The following RBFOX1 variants were observed in gnomAD, a reference collection of about 807,000 sequenced individuals.
RBFOX1 encodes RNA binding fox-1 homolog 1.
Under a neutral mutation model 57.7 loss-of-function variants are expected in RBFOX1, and 8 were observed. That is an observed-to-expected ratio of 0.14 (90% confidence interval 0.08 to 0.25). RBFOX1 has a LOEUF of 0.25. Among genes scored for constraint, RBFOX1 ranks in the 10% least tolerant of loss-of-function variants. The probability of loss-of-function intolerance (pLI) is 1.00; values close to 1 mark genes in which losing one functional copy is unlikely to be tolerated. For synonymous variants in RBFOX1, 326 were observed against 222.4 expected (o/e 1.47, Z -4.15); for missense variants, 611 against 548.5 (o/e 1.11, Z -1.14).
chr16:6,576,478 G>C (rs1049920726), intron 2 of RBFOX1, among the ~76,000 whole-genome samples: 1 of 152,132 alleles, frequency 6.6e-6, no homozygotes, highest in Non-Finnish European at 1.5e-5. Context: ...AAGACCTGCT[G>C]TACTCTGAAC....
chr16:6,060,263 A>G (rs1195834542), intron 1 of RBFOX1, among the ~76,000 whole-genome samples: 1 of 151,296 alleles, frequency 6.6e-6, no homozygotes, highest in South Asian at 2.1e-4. Flanking sequence ...CTTCTTAGCC[A>G]CAATTTGGCT....
chr16:5,727,862 G>T (rs901009489), intron 3 of RBFOX1, among the ~76,000 whole-genome samples: 2 of 151,844 alleles, frequency 1.3e-5, no homozygotes, highest in African/African-American at 2.4e-5. Flanking sequence ...AATATTTCAG[G>T]TTTTTTTTGT....
intron 4 of RBFOX1, among the ~76,000 whole-genome samples, chr16:7,233,111 T>G (rs2093594334): frequency 6.6e-6 from 1 of 152,040 alleles, no homozygotes; most frequent in Non-Finnish European, 1.5e-5. Flanking sequence ...CATAGGATGC[T>G]TTCCCTTCCC....
intron 4 of RBFOX1, among the ~76,000 whole-genome samples, chr16:5,878,351 A>G (rs907871297): frequency 2.0e-5 from 3 of 152,184 alleles, no homozygotes; most frequent in African/African-American, 4.8e-5. Flanking sequence ...ATTCCTTCCA[A>G]TGAACTTAGG....
At chr16:7,417,376 G>GAA (rs59413133) in intron 4 of RBFOX1, among the ~76,000 whole-genome samples, 2 of 134,678 alleles carry the variant, frequency 1.5e-5, no homozygotes, top group Non-Finnish European at 1.6e-5. Flanking sequence ...CTGTGTCAAA[G>GAA]AAAAAAAAAA....
intron 2 of RBFOX1, among the ~76,000 whole-genome samples, chr16:6,524,638 A>C (rs966152299): frequency 2.6e-5 from 4 of 152,174 alleles, no homozygotes; most frequent in Admixed American, 2.6e-4. Flanking sequence ...ACAAAGTAGC[A>C]CAGACTTCTC....
At chr16:7,456,854 G>A (rs1252673170) in intron 4 of RBFOX1, among the ~76,000 whole-genome samples, 1 of 152,062 alleles carries the variant, frequency 6.6e-6, no homozygotes. Context: ...GGAGGAAAGG[G>A]CATATTTTGG....
chr16:5,726,527 C>T (rs1432219402), intron 3 of RBFOX1, among the ~76,000 whole-genome samples: 3 of 152,270 alleles, frequency 2.0e-5, no homozygotes, highest in African/African-American at 4.8e-5. Context: ...AGCCCCATGC[C>T]GTGAGGTCAG....
At chr16:7,709,205 G>T in intron 15 of RBFOX1, 74 bp downstream of exon 15, 1 of 1,356,510 alleles carries the variant, frequency 7.4e-7, no homozygotes, top group African/African-American at 1.5e-5. Context: ...CCTCAGTACG[G>T]GTTGACGTCC....
rs1375557854 is a variant in RBFOX1 at position 6,603,134 on chromosome 16, C to G, written c.-63-51469C>G. 2.0e-5 allele frequency among the ~76,000 whole-genome samples: 3 copies of G among 152,282 alleles called. No individual in the cohort carries two copies. The East Asian group carries it at 5.8e-4, about 29-fold the overall frequency. On this transcript the variant is annotated intron_variant, in intron 2 of 15. Coordinates refer to ENST00000550418, the MANE Select transcript of RBFOX1 (RefSeq NM_018723.4). Reference sequence around the variant, plus strand: ...CCGTTGTGGTCTTAGCTGAATTGTTCTTTACAGATCTAAAGAGAGACCACA... The same window carrying G: ...CCGTTGTGGTCTTAGCTGAATTGTTGTTTACAGATCTAAAGAGAGACCACA...
At chr16:5,303,013 C>G (rs2063842343) in intron 1 of RBFOX1, among the ~76,000 whole-genome samples, 2 of 152,162 alleles carry the variant, frequency 1.3e-5, no homozygotes, top group Non-Finnish European at 2.9e-5. Flanking sequence ...TCTTCCGTTT[C>G]TCTTTTACCA....
intron 1 of RBFOX1, among the ~76,000 whole-genome samples, chr16:6,279,587 C>T (rs2076174657): frequency 6.6e-6 from 1 of 152,152 alleles, no homozygotes. Flanking sequence ...ATCTGATTAT[C>T]TATTGGCCTT....
intron 14 of RBFOX1, among the ~76,000 whole-genome samples, chr16:7,690,439 C>T (rs1433175707): frequency 6.6e-6 from 1 of 152,120 alleles, no homozygotes; most frequent in African/African-American, 2.4e-5. Flanking sequence ...CAATTATTTA[C>T]AATGTGCAGC....
chr16:7,340,301 C>T (rs2096868597), intron 4 of RBFOX1, among the ~76,000 whole-genome samples: 1 of 152,190 alleles, frequency 6.6e-6, no homozygotes, highest in Non-Finnish European at 1.5e-5. Context: ...ACACACCATC[C>T]CCTGGGGAGC....
intron 2 of RBFOX1, among the ~76,000 whole-genome samples, chr16:5,491,282 G>A (rs1033499197): frequency 2.0e-5 from 3 of 152,006 alleles, no homozygotes; most frequent in African/African-American, 7.2e-5. Context: ...CAGCCACCCC[G>A]AGCCACCCAC....
At chr16:7,255,904 T>A (rs2094659331) in intron 4 of RBFOX1, among the ~76,000 whole-genome samples, 2 of 152,184 alleles carry the variant, frequency 1.3e-5, no homozygotes, top group African/African-American at 4.8e-5. Flanking sequence ...CGTTACCTTA[T>A]TGGATAGCAC....
At position 7,282,719 on chromosome 16, in the gene RBFOX1, C is replaced by T. The variant is rs894527135; in HGVS notation, c.27+230621C>T. Among the ~76,000 whole-genome samples the T allele has an allele frequency of 3.9e-5, 6 of 152,134 alleles. No individual in the cohort carries two copies. In the East Asian group the frequency reaches 1.2e-3, roughly 29 times the overall value. The stretch of plus-strand genomic sequence containing the variant: ...ACTGCACCCAGTTTGTAGGCTTTTA[C>T]CCCTCACCTCCTTCCCACCCTTTCT... On this transcript the variant is annotated intron_variant, in intron 4 of 15. Coordinates refer to ENST00000550418, the MANE Select transcript of RBFOX1 (RefSeq NM_018723.4).
At chr16:5,392,800 C>T (rs1396362834) in intron 1 of RBFOX1, among the ~76,000 whole-genome samples, 1 of 152,110 alleles carries the variant, frequency 6.6e-6, no homozygotes, top group East Asian at 1.9e-4. Context: ...TACACTCGCC[C>T]CTGACCCTGT....
intron 4 of RBFOX1, among the ~76,000 whole-genome samples, chr16:7,364,378 C>G (rs1042686921): frequency 1.3e-5 from 2 of 152,086 alleles, no homozygotes; most frequent in Admixed American, 1.3e-4. Context: ...AAAAAAATGA[C>G]TACATTATGG....
Sources: allele counts gnomAD v4.1 joint callset (sites outside exome capture counted in the v4.1 genomes callset), GRCh38; gene constraint gnomAD v4.1.1; transcripts MANE v1.5; gene names NCBI Gene and HGNC (gene_info 2026-07-23, HGNC 2026-07-21).